BRINP3: variants seen among roughly 807,000 people sequenced by gnomAD.
The protein encoded by BRINP3 is BMP/retinoic acid-inducible neural-specific protein 3.
BRINP3 carries 19 observed loss-of-function variants against 71.0 expected under a neutral mutation model. That is an observed-to-expected ratio of 0.27 (90% confidence interval 0.19 to 0.39). The LOEUF is 0.39. BRINP3 is among the 10% of genes least tolerant of loss of function. BRINP3 has a pLI of 1.00. For synonymous variants in BRINP3, 380 were observed against 337.7 expected, an observed-to-expected ratio of 1.13 and a Z score of -1.37; for missense variants, 959 against 940.8, an observed-to-expected ratio of 1.02 and a Z score of -0.25.
chr1:190,234,337 G>A (rs1411955836), intron 5 of BRINP3, 35 bp downstream of exon 5: 9 of 1,496,098 alleles, frequency 6.0e-6, no homozygotes, highest in Non-Finnish European at 8.3e-6. Flanking sequence ...TGCTATTCAG[G>A]CTTGTAGAGA....
intron 2 of BRINP3, among the ~76,000 whole-genome samples, chr1:190,322,632 G>A (rs534034612): frequency 2.0e-5 from 3 of 152,030 alleles, no homozygotes; most frequent in African/African-American, 7.2e-5. Flanking sequence ...GACCAGAAAT[G>A]GTTTGACAAA....
intron 6 of BRINP3, among the ~76,000 whole-genome samples, chr1:190,215,916 G>A (rs923880512): frequency 6.0e-5 from 9 of 150,568 alleles, no homozygotes; most frequent in Non-Finnish European, 8.9e-5. Flanking sequence ...TAAAATATCC[G>A]TTCTTTATAT....
chr1:190,434,757 A>G (rs1221446363), intron 2 of BRINP3, among the ~76,000 whole-genome samples: 1 of 152,160 alleles, frequency 6.6e-6, no homozygotes, highest in African/African-American at 2.4e-5. Context: ...CCATGAAGGT[A>G]AAAACTTGGA....
intron 2 of BRINP3, among the ~76,000 whole-genome samples, chr1:190,413,754 A>G (rs1672836639): frequency 6.6e-6 from 1 of 152,216 alleles, no homozygotes; most frequent in Non-Finnish European, 1.5e-5. Context: ...TAAGCCACCA[A>G]GATTTTCGTA....
At chr1:190,305,487 T>C (rs2103009984) in intron 2 of BRINP3, among the ~76,000 whole-genome samples, 1 of 151,878 alleles carries the variant, frequency 6.6e-6, no homozygotes, top group South Asian at 2.1e-4. Context: ...AAGTGAGCTA[T>C]GCCAGGCACA....
chr1:190,415,689 C>T (rs1441884419), intron 2 of BRINP3, among the ~76,000 whole-genome samples: 1 of 151,660 alleles, frequency 6.6e-6, no homozygotes, highest in Non-Finnish European at 1.5e-5. Flanking sequence ...TTATGTGAGG[C>T]CAGGAGTTTG....
At chr1:190,283,007 T>A (rs1202624056) in intron 2 of BRINP3, among the ~76,000 whole-genome samples, 1 of 151,880 alleles carries the variant, frequency 6.6e-6, no homozygotes, top group South Asian at 2.1e-4. Flanking sequence ...TGAGGAACAG[T>A]GTACATACTT....
At chr1:190,216,143 T>C (rs939044166) in intron 6 of BRINP3, among the ~76,000 whole-genome samples, 1 of 151,900 alleles carries the variant, frequency 6.6e-6, no homozygotes, top group Non-Finnish European at 1.5e-5. Flanking sequence ...CTTTTGGTTT[T>C]AATCATTAAA....
chr1:190,290,746 A>G (rs1183187791), intron 2 of BRINP3, among the ~76,000 whole-genome samples: 1 of 152,158 alleles, frequency 6.6e-6, no homozygotes. Context: ...GAAGATTGTT[A>G]GAAATAAATT....
At chr1:190,290,937 C>T (rs541540202) in intron 2 of BRINP3, among the ~76,000 whole-genome samples, 139 of 150,816 alleles carry the variant, frequency 9.2e-4, no homozygotes, top group Admixed American at 1.7e-3. Context: ...TTGTGGGAAG[C>T]ATGGAGGATG....
chr1:190,380,289 C>A (rs1255301889), intron 2 of BRINP3, among the ~76,000 whole-genome samples: 1 of 152,014 alleles, frequency 6.6e-6, no homozygotes, highest in East Asian at 1.9e-4. Flanking sequence ...GAATGATCTG[C>A]AGGCTTTAAA....
chr1:190,113,567 C>A (rs1652868870), intron 7 of BRINP3, among the ~76,000 whole-genome samples: 1 of 152,176 alleles, frequency 6.6e-6, no homozygotes, highest in Non-Finnish European at 1.5e-5. Context: ...AGTTTCTACA[C>A]ATTTACCCAT....
intron 2 of BRINP3, among the ~76,000 whole-genome samples, chr1:190,337,737 T>C (rs1667383477): frequency 1.3e-5 from 2 of 152,088 alleles, no homozygotes; most frequent in Non-Finnish European, 2.9e-5. Context: ...CACCTTGTGA[T>C]CACGTCAGTC....
intron 2 of BRINP3, among the ~76,000 whole-genome samples, chr1:190,306,689 G>C (rs1665125361): frequency 6.6e-6 from 1 of 151,398 alleles, no homozygotes; most frequent in Non-Finnish European, 1.5e-5. Flanking sequence ...CCATGTCCTA[G>C]AGCGCAACTA....
intron 1 of BRINP3, among the ~76,000 whole-genome samples, chr1:190,455,903 A>G (rs1198164568): frequency 1.3e-5 from 2 of 152,198 alleles, no homozygotes; most frequent in Non-Finnish European, 2.9e-5. Flanking sequence ...TCTATATGCT[A>G]CACCAGAAAA....
At chr1:190,317,713 C>T (rs1034095094) in intron 2 of BRINP3, among the ~76,000 whole-genome samples, 2 of 151,992 alleles carry the variant, frequency 1.3e-5, no homozygotes, top group Non-Finnish European at 2.9e-5. Flanking sequence ...TGCCTTTACC[C>T]GTATTGTTTC....
In BRINP3 at chr1:190,097,892, T is replaced by C. The variant is rs550548481; in HGVS notation, c.*126A>G. ...TTCATGTGTGTAAATTGCCATCCAA[T>C]GTTATTGACTGATATAAGACAGATA... On this transcript the variant is annotated 3_prime_UTR_variant, in exon 8 of 8. Coordinates refer to ENST00000367462, the MANE Select transcript of BRINP3 (RefSeq NM_199051.3). 2 of 1,052,238 alleles carry C rather than the reference T, an allele frequency of 1.9e-6. No homozygotes were observed. The highest frequency in any genetic ancestry group is 3.2e-5 in the African/African-American group (2 of 62,786). The allele number at this position is 1,052,238 out of a possible 1,614,324, so 65.2% of individuals were successfully genotyped here.
At chr1:190,426,658 T>C (rs1455210996) in intron 2 of BRINP3, among the ~76,000 whole-genome samples, 1 of 151,918 alleles carries the variant, frequency 6.6e-6, no homozygotes, top group Non-Finnish European at 1.5e-5. Flanking sequence ...GTGGTAGGGT[T>C]ATCAAATTAT....
chr1:190,412,742 G>C lies in BRINP3; in HGVS notation c.236+41913C>G, dbSNP rs141310323. ...CTCCCAAAGTGCTGGGATTACAGGC[G>C]TGAGTATGTAGTACTTTAATTACTA... On this transcript the variant is annotated intron_variant, in intron 2 of 7. Transcript: ENST00000367462. Among the ~76,000 whole-genome samples the C allele has an allele frequency of 3.4e-3, 514 of 152,020 alleles. 4 individuals are homozygous for C. Among genetic ancestry groups the C allele is most frequent in the African/African-American group, 0.011 (475 of 41,492 alleles).
Sources: allele counts gnomAD v4.1 joint callset (sites outside exome capture counted in the v4.1 genomes callset), GRCh38; gene constraint gnomAD v4.1.1; transcripts MANE v1.5; gene names NCBI Gene and HGNC (gene_info 2026-07-23, HGNC 2026-07-21).